The following ERBIN variants were observed in gnomAD, a reference collection of about 807,000 sequenced individuals.
ERBIN encodes the protein densin-180-like protein.
ERBIN carries 60 observed loss-of-function variants against 158.4 expected under a neutral mutation model. The ratio of observed to expected loss-of-function variants is 0.38; its 90% CI spans 0.31 to 0.47. The LOEUF (loss-of-function observed/expected upper bound fraction) is 0.47, where lower values mean the gene tolerates loss of function less well. ERBIN is among the 20% of genes least tolerant of loss of function. The probability of loss-of-function intolerance (pLI) is 0.99; values close to 1 mark genes in which losing one functional copy is unlikely to be tolerated. For synonymous variants in ERBIN, 594 were observed against 557.2 expected, an observed-to-expected ratio of 1.07 and a Z score of -0.93; for missense variants, 1,610 against 1,648.0, an observed-to-expected ratio of 0.98 and a Z score of 0.40.
At chr5:66,016,903 C>T (rs1754801897) in intron 7 of ERBIN, among the ~76,000 whole-genome samples, 1 of 152,138 alleles carries the variant, frequency 6.6e-6, no homozygotes. Flanking sequence ...GCGTGAGCCA[C>T]CACACCCGGC....
chr5:66,068,085 T>G (rs1055411485), intron 21 of ERBIN, among the ~76,000 whole-genome samples: 4 of 152,102 alleles, frequency 2.6e-5, no homozygotes, highest in African/African-American at 9.7e-5. Flanking sequence ...CCCAGCAGTT[T>G]AGGGGGCTGA....
intron 1 of ERBIN, among the ~76,000 whole-genome samples, chr5:65,965,386 T>TG (rs1561304940): frequency 5.6e-4 from 3 of 5,322 alleles, no homozygotes; most frequent in East Asian, 2.3e-3. Context: ...TTTGTTGTTT[T>TG]TTTTTTTTTT....
chr5:66,077,080 G>A, intron 25 of ERBIN, 131 bp downstream of exon 25: 1 of 612,602 alleles, frequency 1.6e-6, no homozygotes, highest in Non-Finnish European at 2.8e-6. Context: ...GAACCCGGGA[G>A]GCGGCACTTG....
At chr5:66,064,408 A>G (rs1760780198) in intron 21 of ERBIN, among the ~76,000 whole-genome samples, 1 of 152,220 alleles carries the variant, frequency 6.6e-6, no homozygotes, top group African/African-American at 2.4e-5. Flanking sequence ...TTACCTTGCT[A>G]TACAAATATT....
intron 21 of ERBIN, chr5:66,069,004 G>C (rs1211378869): frequency 2.0e-6 from 3 of 1,533,274 alleles, no homozygotes; most frequent in Non-Finnish European, 2.6e-6. Flanking sequence ...AGAGGTTCTG[G>C]TGGGCACATT....
In ERBIN at chr5:65,992,963, A is replaced by G. The variant is rs27132; in HGVS notation, c.189+56A>G. 0.83 allele frequency: 1,099,613 copies of G among 1,324,130 alleles called. 463,569 individuals carry two copies. Among genetic ancestry groups the G allele is most frequent in the Non-Finnish European group, 0.87 (864,249 of 992,784 alleles). 82.0% of individuals were successfully genotyped at this position (1,324,130 alleles called of 1,614,324 possible). ...TTTGGTTATTTTTATATCTAGAAAT[A>G]TGATATTCCTAATATTGCTATAAAG... On this transcript the variant is annotated intron_variant, in intron 3 of 25. Transcript: ENST00000284037.
At chr5:66,078,169 A>G (rs1326983309) in intron 25 of ERBIN, among the ~76,000 whole-genome samples, 2 of 152,190 alleles carry the variant, frequency 1.3e-5, no homozygotes, top group Non-Finnish European at 2.9e-5. Context: ...CATGTCTGAC[A>G]TTATTTCTTA....
chr5:66,023,439 T>C, intron 9 of ERBIN, 75 bp downstream of exon 9: 1 of 768,568 alleles, frequency 1.3e-6, no homozygotes, highest in South Asian at 2.2e-5. Flanking sequence ...GTACCTTTTA[T>C]AATTACTTTT....
chr5:66,012,857 G>A (rs1202315792), intron 5 of ERBIN, among the ~76,000 whole-genome samples: 1 of 152,152 alleles, frequency 6.6e-6, no homozygotes, highest in East Asian at 1.9e-4. Context: ...TGGCCCTAAC[G>A]TCATTCAGCT....
intron 4 of ERBIN, among the ~76,000 whole-genome samples, chr5:66,004,591 CG>C (rs1753385181): frequency 6.6e-6 from 1 of 151,914 alleles, no homozygotes; most frequent in South Asian, 2.1e-4. Flanking sequence ...TCAGTTTACA[CG>C]GGTTTTCGCC....
At chr5:65,993,974 T>C in intron 3 of ERBIN, among the ~76,000 whole-genome samples, 1 of 152,136 alleles carries the variant, frequency 6.6e-6, no homozygotes, top group East Asian at 1.9e-4. Context: ...TATGAAAATA[T>C]TTTAGATTTG....
intron 7 of ERBIN, among the ~76,000 whole-genome samples, chr5:66,017,400 A>G (rs770438937): frequency 4.0e-5 from 6 of 151,678 alleles, no homozygotes; most frequent in Non-Finnish European, 7.4e-5. Flanking sequence ...GGGCAAGATG[A>G]TATTTCATTG....
chr5:65,959,545 C>T (rs936887606), intron 1 of ERBIN, among the ~76,000 whole-genome samples: 1 of 152,094 alleles, frequency 6.6e-6, no homozygotes, highest in African/African-American at 2.4e-5. Context: ...TGGGGTTGGT[C>T]CATGGACTTG....
At chr5:65,947,646 T>G (rs955135454) in intron 1 of ERBIN, among the ~76,000 whole-genome samples, 3 of 152,278 alleles carry the variant, frequency 2.0e-5, no homozygotes, top group African/African-American at 7.2e-5. Context: ...GAGCCAGAGT[T>G]TTCATTACCC....
chr5:66,068,705 G>A (rs1761248104), intron 21 of ERBIN, among the ~76,000 whole-genome samples: 2 of 152,262 alleles, frequency 1.3e-5, no homozygotes, highest in Middle Eastern at 3.4e-3. Flanking sequence ...TGTATATGTT[G>A]TCATATAAAT....
chr5:65,963,023 T>C (rs1748087730), intron 1 of ERBIN, among the ~76,000 whole-genome samples: 1 of 152,224 alleles, frequency 6.6e-6, no homozygotes, highest in African/African-American at 2.4e-5. Context: ...CAACAAAATA[T>C]ACATTTGTCT....
intron 4 of ERBIN, 92 bp downstream of exon 4, chr5:65,994,956 ATAAGT>A (rs1752261778): frequency 5.2e-6 from 4 of 768,378 alleles, no homozygotes; most frequent in Non-Finnish European, 6.5e-6. Context: ...AAATATAAAA[ATAAGT>A]TAAATCTAAT....
intron 1 of ERBIN, among the ~76,000 whole-genome samples, chr5:65,964,949 T>G: frequency 3.1e-5 from 4 of 130,546 alleles, no homozygotes; most frequent in African/African-American, 1.4e-4. Context: ...TGTGTGTAAT[T>G]TTTTTTTTTT....
At chr5:65,954,678 C>G (rs1044391130) in intron 1 of ERBIN, among the ~76,000 whole-genome samples, 2 of 151,758 alleles carry the variant, frequency 1.3e-5, no homozygotes, top group Non-Finnish European at 2.9e-5. Context: ...TTGAGGTTGG[C>G]ATGTCCCACG....
Sources: allele counts gnomAD v4.1 joint callset (sites outside exome capture counted in the v4.1 genomes callset), GRCh38; gene constraint gnomAD v4.1.1; transcripts MANE v1.5; gene names NCBI Gene and HGNC (gene_info 2026-07-23, HGNC 2026-07-21).